The following WDFY2 variants were observed in gnomAD, a reference collection of about 807,000 sequenced individuals.
The protein encoded by WDFY2 is WD repeat and FYVE domain-containing protein 2.
In WDFY2, 36 loss-of-function variants were observed where a neutral mutation model predicts 56.4. The observed-to-expected ratio is 0.64, with a 90% CI of 0.49 to 0.84. WDFY2 has a LOEUF of 0.84. Among genes scored for constraint, WDFY2 ranks in the 40% least tolerant of loss-of-function variants. WDFY2 has a pLI of 0.00. For missense variants in WDFY2, 444 were observed against 512.2 expected (o/e 0.87, Z 1.29); for synonymous variants, 176 against 183.7 (o/e 0.96, Z 0.34).
At chr13:51,738,953 G>C in intron 6 of WDFY2, 96 bp from the exon 7 acceptor site, 2 of 1,302,850 alleles carry the variant, frequency 1.5e-6, no homozygotes, top group Non-Finnish European at 2.0e-6. Context: ...TGTATGCCAG[G>C]AACTGCACTA....
Position 51,584,570 on chromosome 13 carries a change from C to G in WDFY2, c.-118C>G, listed in dbSNP as rs908870628. 22 of 1,357,754 alleles carry G rather than the reference C, an allele frequency of 1.6e-5. No homozygotes were observed. The highest frequency in any genetic ancestry group is 2.0e-5 in the Non-Finnish European group (21 of 1,031,536). The allele number at this position is 1,357,754 out of a possible 1,614,324, so 84.1% of individuals were successfully genotyped here. A position where few individuals can be genotyped will look rare whatever the true frequency, so the allele number is the denominator to read the frequency against. On this transcript the variant is annotated 5_prime_UTR_variant, in exon 1 of 12. Coordinates refer to ENST00000298125, the MANE Select transcript of WDFY2 (RefSeq NM_052950.4). ...CCAGGCTATGCTCGCCGGTTTCCGG[C>G]GTTCCGCTCCGGCCAGCCAGAGTCT...
chr13:51,719,740 C>T (rs771301088), intron 5 of WDFY2, among the ~76,000 whole-genome samples: 1 of 152,132 alleles, frequency 6.6e-6, no homozygotes. Flanking sequence ...TGTGAACATT[C>T]CCATTGGTGC....
intron 1 of WDFY2, among the ~76,000 whole-genome samples, chr13:51,653,304 G>A (rs4399447): frequency 0.11 from 16,543 of 152,064 alleles, 1,339 homozygotes; most frequent in Admixed American, 0.2. Flanking sequence ...TTAGCCATTC[G>A]TCTAATCTTT....
intron 7 of WDFY2, among the ~76,000 whole-genome samples, 176 bp downstream of exon 7, chr13:51,739,351 A>G (rs562468897): frequency 4.0e-4 from 61 of 152,288 alleles, no homozygotes; most frequent in Non-Finnish European, 7.1e-4. Context: ...ATATACTTAT[A>G]CCCCATTTTA....
intron 6 of WDFY2, among the ~76,000 whole-genome samples, chr13:51,732,467 TTTTTC>T (rs1336191363): frequency 6.6e-6 from 1 of 152,192 alleles, no homozygotes; most frequent in African/African-American, 2.4e-5. Flanking sequence ...AATACAGTCT[TTTTTC>T]TTTTATTTCT....
At chr13:51,643,349 A>G (rs906548957) in intron 1 of WDFY2, among the ~76,000 whole-genome samples, 5 of 152,174 alleles carry the variant, frequency 3.3e-5, no homozygotes, top group African/African-American at 9.7e-5. Context: ...CATCCTCTGA[A>G]TCACTGCTCT....
intron 1 of WDFY2, chr13:51,589,392 A>G (rs996496782): frequency 1.2e-4 from 18 of 152,122 alleles, no homozygotes; most frequent in South Asian, 4.2e-4. Context: ...CTAAATTACT[A>G]TGATTCGAAG....
chr13:51,632,983 T>C (rs1053470526), intron 1 of WDFY2, among the ~76,000 whole-genome samples: 2 of 152,048 alleles, frequency 1.3e-5, no homozygotes, highest in South Asian at 2.1e-4. Context: ...ACTGTGATTT[T>C]TTTTATCTGC....
At chr13:51,730,489 A>G (rs1211471167) in intron 6 of WDFY2, among the ~76,000 whole-genome samples, 1 of 152,044 alleles carries the variant, frequency 6.6e-6, no homozygotes, top group Admixed American at 6.6e-5. Context: ...GTCCCTTGTC[A>G]TCTCAGCCAT....
chr13:51,613,705 T>C (rs1229284591), intron 1 of WDFY2, among the ~76,000 whole-genome samples: 1 of 152,158 alleles, frequency 6.6e-6, no homozygotes, highest in Non-Finnish European at 1.5e-5. Context: ...TGGAAAAGTC[T>C]TAGATGCCTA....
intron 1 of WDFY2, among the ~76,000 whole-genome samples, chr13:51,630,585 C>G (rs1229314376): frequency 2.6e-5 from 4 of 151,682 alleles, no homozygotes; most frequent in Non-Finnish European, 5.9e-5. Context: ...ATTTAATAAC[C>G]CAGTCAGATG....
intron 1 of WDFY2, among the ~76,000 whole-genome samples, chr13:51,601,864 C>T (rs1020411517): frequency 6.6e-6 from 1 of 152,176 alleles, no homozygotes; most frequent in Non-Finnish European, 1.5e-5. Flanking sequence ...ATGGAAATCA[C>T]AACAGGCTGA....
Position 51,763,756 on chromosome 13 carries a change from C to T in WDFY2, c.*3987C>T. 1 of 152,222 alleles carries T rather than the reference C, an allele frequency of 6.6e-6. No individual in the cohort carries two copies. Among genetic ancestry groups the T allele is most frequent in the Non-Finnish European group, 1.5e-5 (1 of 68,030 alleles). 9.4% of individuals were successfully genotyped at this position (152,222 alleles called of 1,614,324 possible). On this transcript the variant is annotated 3_prime_UTR_variant, in exon 12 of 12. Transcript: ENST00000298125. ...AAGGATGCAGTGAGCTATGATTGCA[C>T]TACTGCAGTCCAGCCTGGGCAGCAG...
chr13:51,661,526 A>C (rs994932291), intron 2 of WDFY2, among the ~76,000 whole-genome samples: 15 of 152,190 alleles, frequency 9.9e-5, no homozygotes, highest in African/African-American at 3.6e-4. Context: ...CTCTTGATAT[A>C]AGTATCCCAG....
chr13:51,717,465 T>G (rs1952381654), intron 4 of WDFY2, among the ~76,000 whole-genome samples: 1 of 152,078 alleles, frequency 6.6e-6, no homozygotes, highest in Non-Finnish European at 1.5e-5. Context: ...ACAGGAAGGC[T>G]GCTCAGAGGA....
chr13:51,638,544 C>T (rs1955096005), intron 1 of WDFY2, among the ~76,000 whole-genome samples: 1 of 152,108 alleles, frequency 6.6e-6, no homozygotes, highest in Admixed American at 6.5e-5. Flanking sequence ...AGCTTCCGTG[C>T]AGTGTAGTCC....
At chr13:51,649,101 C>T (rs1344361804) in intron 1 of WDFY2, among the ~76,000 whole-genome samples, 1 of 152,126 alleles carries the variant, frequency 6.6e-6, no homozygotes, top group African/African-American at 2.4e-5. Context: ...GAGCCAAGGT[C>T]GTGCCATTGC....
chr13:51,672,109 A>T (rs1452543041), intron 2 of WDFY2, among the ~76,000 whole-genome samples: 1 of 152,168 alleles, frequency 6.6e-6, no homozygotes, highest in Non-Finnish European at 1.5e-5. Context: ...GTTCTTGGTC[A>T]TGAAGTCTTT....
chr13:51,633,427 A>G (rs1246387629), intron 1 of WDFY2, among the ~76,000 whole-genome samples: 2 of 152,250 alleles, frequency 1.3e-5, no homozygotes, highest in Non-Finnish European at 2.9e-5. Context: ...ACTCGTGTGT[A>G]TAATAATATT....
Sources: gnomAD v4.1 joint callset for allele counts (sites outside exome capture counted in the v4.1 genomes callset) on GRCh38, gnomAD v4.1.1 for gene constraint, MANE v1.5 for transcripts, NCBI Gene and HGNC (gene_info 2026-07-23, HGNC 2026-07-21) for gene names.